Variants in CEP57L1 observed in about 807,000 individuals in gnomAD.
CEP57L1 encodes centrosomal protein 57 like 1.
Under a neutral mutation model 61.0 loss-of-function variants are expected in CEP57L1, and 37 were observed. That is an observed-to-expected ratio of 0.61 (90% CI 0.47 to 0.80). CEP57L1 has a LOEUF of 0.80. Among genes scored for constraint, CEP57L1 ranks in the 30% least tolerant of loss-of-function variants. CEP57L1 has a pLI of 0.00. For synonymous variants in CEP57L1, 137 were observed against 162.3 expected (o/e 0.84, Z 1.19); for missense variants, 422 against 524.7 (o/e 0.80, Z 1.91).
At chr6:109,151,914 A>G (rs1274019834) in intron 4 of CEP57L1, among the ~76,000 whole-genome samples, 1 of 151,992 alleles carries the variant, frequency 6.6e-6, no homozygotes, top group Non-Finnish European at 1.5e-5. Flanking sequence ...TCAGGCTGCT[A>G]TTAAGATTTT....
At chr6:109,114,158 A>G (rs1772006310) in intron 1 of CEP57L1, among the ~76,000 whole-genome samples, 1 of 152,148 alleles carries the variant, frequency 6.6e-6, no homozygotes, top group Non-Finnish European at 1.5e-5. Context: ...AACTGTGTCA[A>G]TTTACAATAC....
At chr6:109,158,447 C>G in intron 7 of CEP57L1, 1 of 341,032 alleles carries the variant, frequency 2.9e-6, no homozygotes, top group Non-Finnish European at 5.6e-6. Flanking sequence ...CAAGATCATA[C>G]CACTGCACCC....
intron 6 of CEP57L1, 67 bp downstream of exon 6, chr6:109,155,374 T>A: frequency 1.2e-6 from 1 of 829,002 alleles, no homozygotes; most frequent in Non-Finnish European, 1.8e-6. Context: ...TTATTTTCAT[T>A]AACTGAAGCC....
Position 109,111,042 on chromosome 6 carries a change from G to GT in CEP57L1, c.-4+15473dup, listed in dbSNP as rs1417544301. Among the ~76,000 whole-genome samples, 3 of 152,224 alleles carry GT rather than the reference G, an allele frequency of 2.0e-5. No homozygotes were observed. The East Asian group carries it at 5.8e-4, about 29-fold the overall frequency. ...TTGGTTCCATTTGAAATTTAAAGTA[G>GT]TTTTTTCCAATTCCATGAAGAAAGT... On this transcript the variant is annotated intron_variant, in intron 1 of 10. Coordinates refer to ENST00000517392, the MANE Select transcript of CEP57L1 (RefSeq NM_001271852.3).
chr6:109,142,867 G>GAAT (rs1771535061), intron 1 of CEP57L1, among the ~76,000 whole-genome samples: 1 of 151,750 alleles, frequency 6.6e-6, no homozygotes, highest in African/African-American at 2.4e-5. Flanking sequence ...ATGTGCCCAT[G>GAAT]AATGTATCCC....
At chr6:109,095,213 G>C, upstream of CEP57L1, 4 of 985,520 alleles carry the variant, frequency 4.1e-6, no homozygotes, top group Non-Finnish European at 4.8e-6. Context: ...TTCCGTTCCC[G>C]GACGTTTGGA....
At chr6:109,115,537 C>T (rs12195235) in intron 1 of CEP57L1, among the ~76,000 whole-genome samples, 2,223 of 152,088 alleles carry the variant, frequency 0.015, 44 homozygotes, top group Non-Finnish European at 0.02. Context: ...TGTGTGCACT[C>T]AGGGAATGCA....
chr6:109,129,260 C>T (rs940245431), intron 1 of CEP57L1: 23 of 686,490 alleles, frequency 3.4e-5, no homozygotes, highest in African/African-American at 5.7e-5. Flanking sequence ...TTCATTTTAT[C>T]GCCTTTAGTA....
rs1187217221 is a variant in CEP57L1, at chr6:109,170,302, C to T, written c.*7332C>T. Among the ~76,000 whole-genome samples the T allele has an allele frequency of 2.0e-5, 3 of 152,094 alleles. No homozygotes were observed. The highest frequency in any genetic ancestry group is 1.5e-5 in the Non-Finnish European group (1 of 68,006). On this transcript the variant is annotated 3_prime_UTR_variant, in exon 11 of 11. Transcript: ENST00000517392. ...AAAGTGAGCCAGACCTTCCAATCAG[C>T]TAAAATAATGTAAAATAATGTACTT...
chr6:109,098,133 T>TC (rs1301411184), intron 1 of CEP57L1, among the ~76,000 whole-genome samples: 7 of 152,274 alleles, frequency 4.6e-5, no homozygotes, highest in Admixed American at 4.6e-4. Context: ...TTTCTCTCTC[T>TC]CTCTTTCTCT....
At chr6:109,122,936 ATTCC>A (rs547849563) in intron 1 of CEP57L1, among the ~76,000 whole-genome samples, 10 of 152,190 alleles carry the variant, frequency 6.6e-5, no homozygotes, top group Non-Finnish European at 1.3e-4. Flanking sequence ...TTCTTTGCTC[ATTCC>A]TTCAGTGATC....
intron 1 of CEP57L1, among the ~76,000 whole-genome samples, chr6:109,121,913 C>T (rs866761104): frequency 4.6e-5 from 7 of 152,038 alleles, no homozygotes; most frequent in Middle Eastern, 6.8e-3. Flanking sequence ...TTTGAGAACC[C>T]GAAAATAACC....
chr6:109,145,562 A>G (rs568888110), intron 2 of CEP57L1, among the ~76,000 whole-genome samples, 181 bp downstream of exon 2: 21 of 152,100 alleles, frequency 1.4e-4, no homozygotes, highest in Non-Finnish European at 4.4e-5. Flanking sequence ...TGGCTTCTTC[A>G]GCCATAAAAT....
intron 10 of CEP57L1, among the ~76,000 whole-genome samples, chr6:109,161,644 G>A (rs1773727674): frequency 6.6e-6 from 1 of 152,066 alleles, no homozygotes; most frequent in Admixed American, 6.6e-5. Context: ...TAAGGCTATA[G>A]TAAGTAAAAA....
At chr6:109,105,779 G>T (rs1073557) in intron 1 of CEP57L1, among the ~76,000 whole-genome samples, 4 of 152,066 alleles carry the variant, frequency 2.6e-5, no homozygotes, top group Middle Eastern at 3.4e-3. Flanking sequence ...GGACTGGTAC[G>T]GGTTCGTGGC....
Position 109,117,259 on chromosome 6 carries a change from G to A in CEP57L1, c.-4+21684G>A, listed in dbSNP as rs148516832. Among the ~76,000 whole-genome samples, 358 of 152,240 alleles carry A rather than the reference G, an allele frequency of 2.4e-3. 1 individual carries two copies. Among genetic ancestry groups the A allele is most frequent in the African/African-American group, 8.2e-3 (342 of 41,550 alleles). On this transcript the variant is annotated intron_variant, in intron 1 of 10. Coordinates refer to ENST00000517392, the MANE Select transcript of CEP57L1 (RefSeq NM_001271852.3). ...ATAAGAAGTTGTAGGCAATATTCAGGTACACAAGAGAATATTACTTATGAT... is the reference window on the plus strand; with the variant it reads ...ATAAGAAGTTGTAGGCAATATTCAGATACACAAGAGAATATTACTTATGAT...
intron 1 of CEP57L1, among the ~76,000 whole-genome samples, chr6:109,098,502 A>G (rs1469775447): frequency 6.6e-6 from 1 of 152,058 alleles, no homozygotes; most frequent in African/African-American, 2.4e-5. Context: ...GAGTATAGTC[A>G]TAGCTCACTG....
At chr6:109,157,190 C>G (rs2114942698) in intron 7 of CEP57L1, 1 of 152,194 alleles carries the variant, frequency 6.6e-6, no homozygotes, top group African/African-American at 2.4e-5. Flanking sequence ...TAGTTCAAAT[C>G]CCAAGTTCAC....
At chr6:109,142,349 C>G (rs1012416483) in intron 1 of CEP57L1, among the ~76,000 whole-genome samples, 2 of 152,046 alleles carry the variant, frequency 1.3e-5, no homozygotes, top group South Asian at 4.2e-4. Flanking sequence ...TCCTTGGCAA[C>G]CTAACACAGG....
Sources: gnomAD v4.1 joint callset for allele counts (sites outside exome capture counted in the v4.1 genomes callset) on GRCh38, gnomAD v4.1.1 for gene constraint, MANE v1.5 for transcripts, NCBI Gene and HGNC (gene_info 2026-07-23, HGNC 2026-07-21) for gene names.